PARP8: variants seen among roughly 807,000 people sequenced by gnomAD.
The protein encoded by PARP8 is poly(ADP-ribose) polymerase family member 8.
A neutral mutation model predicts 124.1 loss-of-function variants in PARP8; 51 were observed. The observed-to-expected ratio is 0.41, with a 90% CI of 0.33 to 0.52. The LOEUF (loss-of-function observed/expected upper bound fraction) is 0.52. Ranked by LOEUF, PARP8 falls within the 20% of genes least tolerant of loss-of-function variation. The probability of loss-of-function intolerance (pLI) is 0.21; values close to 1 mark genes in which losing one functional copy is unlikely to be tolerated. For missense variants in PARP8, 860 were observed against 1,018.9 expected (o/e 0.84, Z 2.12); for synonymous variants, 391 against 361.5 (o/e 1.08, Z -0.93).
At chr5:50,691,913 G>A (rs1255690668) in intron 2 of PARP8, among the ~76,000 whole-genome samples, 1 of 152,066 alleles carries the variant, frequency 6.6e-6, no homozygotes, top group Non-Finnish European at 1.5e-5. Context: ...TAATGACCAC[G>A]TTCTTAATGA....
intron 2 of PARP8, among the ~76,000 whole-genome samples, chr5:50,739,730 ATATTTTT>A (rs1351934484): frequency 2.1e-3 from 89 of 42,234 alleles, no homozygotes; most frequent in African/African-American, 5.3e-3. Flanking sequence ...ATATATATAT[ATATTTTT>A]TTTTTTTTTT....
intron 18 of PARP8, 45 bp downstream of exon 18, chr5:50,825,020 C>T: frequency 6.8e-7 from 1 of 1,464,824 alleles, no homozygotes; most frequent in East Asian, 2.3e-5. Flanking sequence ...GCATCCTTTT[C>T]TACTGCTTGA....
At chr5:50,782,449 T>A (rs1391247734) in intron 9 of PARP8, among the ~76,000 whole-genome samples, 1 of 152,222 alleles carries the variant, frequency 6.6e-6, no homozygotes, top group East Asian at 1.9e-4. Context: ...TGTGCAGTAA[T>A]GTATAATATA....
At chr5:50,757,194 C>A in intron 3 of PARP8, 1 of 455,486 alleles carries the variant, frequency 2.2e-6, no homozygotes, top group South Asian at 1.6e-5. Flanking sequence ...TCCTGTGGAT[C>A]TCAAAAGGAT....
intron 14 of PARP8, among the ~76,000 whole-genome samples, chr5:50,798,422 T>G (rs1742798935): frequency 6.7e-6 from 1 of 149,680 alleles, no homozygotes; most frequent in Admixed American, 6.6e-5. Flanking sequence ...TCTATTTTTT[T>G]TGTTTTTTTT....
chr5:50,835,834 C>T (rs1230431164), intron 25 of PARP8, among the ~76,000 whole-genome samples: 1 of 152,016 alleles, frequency 6.6e-6, no homozygotes, highest in Non-Finnish European at 1.5e-5. Context: ...TTTTTCATTC[C>T]TAAATAATGG....
At chr5:50,699,268 A>G (rs1455789070) in intron 2 of PARP8, among the ~76,000 whole-genome samples, 1 of 152,170 alleles carries the variant, frequency 6.6e-6, no homozygotes, top group Non-Finnish European at 1.5e-5. Context: ...CCAGCACTGG[A>G]GTATGGAAAG....
intron 14 of PARP8, among the ~76,000 whole-genome samples, chr5:50,815,048 G>A (rs1301383031): frequency 1.3e-5 from 2 of 151,732 alleles, no homozygotes; most frequent in African/African-American, 2.4e-5. Context: ...GTTTTATACA[G>A]CTTTCATATT....
At chr5:50,701,530 A>G (rs1483155010) in intron 2 of PARP8, among the ~76,000 whole-genome samples, 1 of 152,132 alleles carries the variant, frequency 6.6e-6, no homozygotes, top group Non-Finnish European at 1.5e-5. Context: ...GGCATGCAAT[A>G]TATATGGATT....
chr5:50,811,895 A>G (rs545259779), intron 14 of PARP8, among the ~76,000 whole-genome samples: 1 of 152,318 alleles, frequency 6.6e-6, no homozygotes, highest in South Asian at 2.1e-4. Flanking sequence ...AGCTTCATCC[A>G]TGTTGCTACA....
In PARP8 at chr5:50,794,857, C is replaced by T. The variant is rs1340257075; in HGVS notation, c.868C>T (p.Pro290Ser). The T allele has an allele frequency of 6.2e-7, 1 of 1,611,580 alleles. No individual in the cohort carries two copies. Among genetic ancestry groups the T allele is most frequent in the Middle Eastern group, 1.7e-4 (1 of 6,010 alleles). Residue 290 changes from proline to serine, a missense_variant, in exon 12 of 26, where the codon CCA (proline) becomes TCA (serine). Physicochemically the swap from Pro to Ser is moderately conservative, Grantham distance 74. Around this residue, in one of 2 missense-constraint regions of PARP8, gnomAD observed 517 missense variants for 544.2 expected, o/e 0.95. Transcript: ENST00000281631. ...LHLFSTLRRS[P>S]SYPPPGCGKS... ...AATTGTTGTTCAATTTTGAAGGTCGCCAAGTTATCCTCCCCCTGGTTGTGG... is the reference window on the plus strand; with the variant it reads ...AATTGTTGTTCAATTTTGAAGGTCGTCAAGTTATCCTCCCCCTGGTTGTGG...
Position 50,667,136 on chromosome 5 carries a change from T to C in PARP8, c.41T>C (p.Ile14Thr). ...CSRQERIQKD[I>T]DVVIQKSRAE... is the part of the protein sequence containing the mutation. The stretch of plus-strand genomic sequence containing the variant: ...AGGCAAGAGCGAATTCAGAAGGATA[T>C]CGACGTCGTGATCCAGAAGTCCAGA... Residue 14 changes from isoleucine to threonine, a missense_variant, in exon 1 of 26, where the codon ATC becomes ACC. Around this residue, in one of 2 missense-constraint regions of PARP8, gnomAD observed 517 missense variants for 544.2 expected, o/e 0.95. Transcript: ENST00000281631. 6.3e-7 allele frequency: 1 copy of C among 1,596,336 alleles called. No individual in the cohort carries two copies. The highest frequency in any genetic ancestry group is 8.5e-7 in the Non-Finnish European group (1 of 1,179,764).
At chr5:50,783,197 G>A (rs1257300045) in intron 9 of PARP8, among the ~76,000 whole-genome samples, 1 of 151,808 alleles carries the variant, frequency 6.6e-6, no homozygotes, top group Non-Finnish European at 1.5e-5. Context: ...GGGAAGGGGA[G>A]ACAGGGAAGG....
chr5:50,827,502 C>A (rs112101411), intron 19 of PARP8, among the ~76,000 whole-genome samples: 4 of 152,164 alleles, frequency 2.6e-5, no homozygotes, highest in African/African-American at 9.6e-5. Context: ...GCAAATAAAG[C>A]ATAATAATAA....
At chr5:50,813,460 T>C (rs1744715220) in intron 14 of PARP8, among the ~76,000 whole-genome samples, 1 of 152,242 alleles carries the variant, frequency 6.6e-6, no homozygotes. Context: ...GAGACTTTGC[T>C]GAAGTTGCTT....
chr5:50,808,617 T>C (rs771581591), intron 14 of PARP8, among the ~76,000 whole-genome samples: 1 of 151,938 alleles, frequency 6.6e-6, no homozygotes, highest in Non-Finnish European at 1.5e-5. Flanking sequence ...ACCTGTCTCA[T>C]GGGTGAGGCT....
At chr5:50,689,881 A>G (rs1398690459) in intron 2 of PARP8, among the ~76,000 whole-genome samples, 1 of 152,184 alleles carries the variant, frequency 6.6e-6, no homozygotes, top group Non-Finnish European at 1.5e-5. Flanking sequence ...TGGAAATACT[A>G]TCATTCCAGC....
intron 7 of PARP8, among the ~76,000 whole-genome samples, chr5:50,767,388 T>C (rs934116495): frequency 1.3e-5 from 2 of 152,170 alleles, no homozygotes; most frequent in Non-Finnish European, 2.9e-5. Flanking sequence ...AGTCTGACTC[T>C]GAAAATCAGG....
intron 2 of PARP8, among the ~76,000 whole-genome samples, chr5:50,708,550 CCTA>C (rs1249581199): frequency 3.9e-5 from 6 of 152,002 alleles, no homozygotes; most frequent in Non-Finnish European, 8.8e-5. Flanking sequence ...TGCTCAATAT[CCTA>C]CTACTGTGCA....
Sources: allele counts gnomAD v4.1 joint callset (sites outside exome capture counted in the v4.1 genomes callset), GRCh38; gene constraint gnomAD v4.1.1; regional missense constraint gnomAD v4.1.1; transcripts MANE v1.5; gene names NCBI Gene and HGNC (gene_info 2026-07-23, HGNC 2026-07-21).